CIT: variants seen among roughly 807,000 people sequenced by gnomAD.
CIT encodes the protein citron Rho-interacting kinase.
CIT carries 79 observed loss-of-function variants against 272.7 expected under a neutral mutation model. The ratio of observed to expected loss-of-function variants is 0.29; its 90% confidence interval spans 0.24 to 0.35. The LOEUF (loss-of-function observed/expected upper bound fraction) is 0.35, where lower values mean the gene tolerates loss of function less well. Among genes scored for constraint, CIT ranks in the 10% least tolerant of loss-of-function variants. The pLI is 1.00. For missense variants in CIT, 1,909 were observed against 2,618.3 expected (o/e 0.73, Z 5.91); for synonymous variants, 948 against 995.6 (o/e 0.95, Z 0.90).
intron 8 of CIT, 148 bp from the exon 9 acceptor site, chr12:119,823,121 A>G (rs1343521623): frequency 3.9e-6 from 3 of 772,586 alleles, no homozygotes; most frequent in Non-Finnish European, 6.0e-6. Context: ...CCTTTGGACC[A>G]AAGGCGTGTT....
Position 119,825,340 on chromosome 12 carries a change from G to C in CIT, c.782C>G (p.Pro261Arg). Residue 261 changes from proline (P) to arginine (R), a missense_variant, in exon 8 of 48, where the codon CCA becomes CGA. Pro to Arg is a moderately radical substitution (Grantham distance 103). Coordinates refer to ENST00000392521, the MANE Select transcript of CIT (RefSeq NM_001206999.2). ...MVNAKLPIGT[P>R]DYMAPEVLTV... ...CAGCACTTCAGGAGCCATGTAATCT[G>C]GGGTCCCAATCGGGAGTTTGGCATT... is the stretch of plus-strand genomic sequence containing the variant. 6.2e-7 allele frequency: 1 copy of C among 1,613,994 alleles called. No homozygotes were observed. The highest frequency in any genetic ancestry group is 1.1e-5 in the South Asian group (1 of 91,058).
Position 119,728,361 on chromosome 12 carries a change from G to A in CIT, c.3591+141C>T. On this transcript the variant is annotated intron_variant, in intron 28 of 47. Transcript: ENST00000392521. This position sits in a 1 kb window ranked among gnomAD's most constrained non-coding sequence, Gnocchi z 4.3. ...GTTGATAGCTGGGGACACTGTGGGA[G>A]GAGGAGACAGGGAGTATGTGGGAAC... The A allele has an allele frequency of 1.5e-6, 1 of 652,354 alleles. No individual in the cohort carries two copies. The highest frequency in any genetic ancestry group is 1.8e-5 in the South Asian group (1 of 55,204). The allele number at this position is 652,354 out of a possible 1,614,324, so 40.4% of individuals were successfully genotyped here.
chr12:119,821,912 C>T (rs1363876302), intron 9 of CIT, among the ~76,000 whole-genome samples: 1 of 151,396 alleles, frequency 6.6e-6, no homozygotes, highest in Non-Finnish European at 1.5e-5. Flanking sequence ...TTAGAGAAAC[C>T]ATCAAAATGG....
chr12:119,815,650 G>A (rs1224957511), intron 9 of CIT, among the ~76,000 whole-genome samples: 5 of 151,728 alleles, frequency 3.3e-5, no homozygotes, highest in Admixed American at 6.6e-5. Context: ...AGGTTGCAAC[G>A]AGCCGAGATC....
At chr12:119,699,192 G>A (rs1473003151) in intron 44 of CIT, among the ~76,000 whole-genome samples, 2 of 147,652 alleles carry the variant, frequency 1.4e-5, no homozygotes, top group Non-Finnish European at 3.0e-5. Context: ...GGAGGTAGAG[G>A]TTGCAGTGAG....
chr12:119,829,745 C>T (rs1163861642), intron 7 of CIT, among the ~76,000 whole-genome samples: 2 of 152,158 alleles, frequency 1.3e-5, no homozygotes, highest in Non-Finnish European at 2.9e-5. Context: ...AGTCACACAG[C>T]AGGTCCTAGA....
rs565325120 is a variant in CIT at position 119,756,023 on chromosome 12, C to T, written c.2706+1348G>A. Among the ~76,000 whole-genome samples, 103 of 152,282 alleles carry T rather than the reference C, an allele frequency of 6.8e-4. No homozygotes were observed. In the Middle Eastern group the frequency reaches 0.014, roughly 20 times the overall value. ...GCTCTGCTCCCATTTGACAGATGCACAAATTGACACGCTCCCCACAGGACC... is the reference window on the plus strand; with the variant it reads ...GCTCTGCTCCCATTTGACAGATGCATAAATTGACACGCTCCCCACAGGACC... On this transcript the variant is annotated intron_variant, in intron 22 of 47. Transcript: ENST00000392521.
chr12:119,730,442 A>T lies in CIT; in HGVS notation c.3486+53T>A. ...TTGAATTTTTATCAAGCGTGCCTTT[A>T]AAAGAAGGAAACGAAAATGTTTTCC... On this transcript the variant is annotated intron_variant, in intron 27 of 47. Coordinates refer to ENST00000392521, the MANE Select transcript of CIT (RefSeq NM_001206999.2). 2.6e-6 allele frequency: 4 copies of T among 1,536,320 alleles called. No homozygotes were observed. In the South Asian group the frequency reaches 4.9e-5, roughly 19 times the overall value.
chr12:119,775,970 G>A, intron 15 of CIT, 131 bp from the exon 16 acceptor site: 1 of 685,960 alleles, frequency 1.5e-6, no homozygotes, highest in Non-Finnish European at 2.4e-6. Context: ...CCTATTAAGG[G>A]AGAGGAAGAA....
intron 19 of CIT, among the ~76,000 whole-genome samples, chr12:119,764,474 G>T (rs1232496442): frequency 2.6e-5 from 4 of 151,950 alleles, no homozygotes; most frequent in Non-Finnish European, 5.9e-5. Context: ...AAATTACCCA[G>T]GCGTGGTGGC....
intron 30 of CIT, 166 bp from the exon 31 acceptor site, chr12:119,719,027 C>T (rs1321085870): frequency 1.5e-6 from 1 of 667,140 alleles, no homozygotes; most frequent in Non-Finnish European, 2.5e-6. Flanking sequence ...TAGGCTGAGC[C>T]ACAGCCCGTT....
chr12:119,748,127 T>C (rs1227011321), intron 23 of CIT, among the ~76,000 whole-genome samples: 2 of 152,194 alleles, frequency 1.3e-5, no homozygotes, highest in Admixed American at 1.3e-4. Context: ...ATTGCACCAC[T>C]GCACTCCAGC....
At chr12:119,805,179 G>C (rs545350073) in intron 9 of CIT, among the ~76,000 whole-genome samples, 11 of 152,256 alleles carry the variant, frequency 7.2e-5, no homozygotes, top group Admixed American at 5.2e-4. Context: ...GAAATTTATG[G>C]AGAGAGATTT....
chr12:119,754,769 G>A lies in CIT; in HGVS notation c.2707-2522C>T, dbSNP rs193061524. Among the ~76,000 whole-genome samples the A allele has an allele frequency of 5.4e-4, 83 of 152,296 alleles. 1 individual carries two copies. Among genetic ancestry groups the A allele is most frequent in the African/African-American group, 1.8e-3 (76 of 41,544 alleles). On this transcript the variant is annotated intron_variant, in intron 22 of 47. Coordinates refer to ENST00000392521, the MANE Select transcript of CIT (RefSeq NM_001206999.2). ...GGAGAATATAGAGCCTGAACCTCTC[G>A]TGAAACGTTTGAAGTTTCTCTTACC...
intron 7 of CIT, among the ~76,000 whole-genome samples, chr12:119,825,852 G>C (rs7295984): frequency 0.12 from 17,618 of 152,236 alleles, 2,098 homozygotes; most frequent in African/African-American, 0.3. Flanking sequence ...TGGATCATTT[G>C]AGGCCAGGAG....
At chr12:119,854,719 G>C (rs1018079957) in intron 4 of CIT, among the ~76,000 whole-genome samples, 11 of 150,800 alleles carry the variant, frequency 7.3e-5, no homozygotes, top group African/African-American at 2.7e-4. Flanking sequence ...GGGAGGCCGA[G>C]GCAGGCAGAT....
At chr12:119,772,938 G>C (rs1434322253) in intron 16 of CIT, 28 bp from the exon 17 acceptor site, 2 of 1,598,672 alleles carry the variant, frequency 1.3e-6, no homozygotes, top group Admixed American at 1.8e-5. Flanking sequence ...AAAGGAGATA[G>C]GTGGGCAAAT....
chr12:119,720,596 A>G lies in CIT; in HGVS notation c.3733-11T>C. The G allele has an allele frequency of 6.4e-7, 1 of 1,564,608 alleles. No homozygotes were observed. The highest frequency in any genetic ancestry group is 8.7e-7 in the Non-Finnish European group (1 of 1,151,244). ...ATGAGAATAGAGAACCTAAAATTCA[A>G]GAAAACAAACTAACCTCAAATCCAG... On this transcript the variant is annotated splice_polypyrimidine_tract_variant and intron_variant, in intron 29 of 47. Coordinates refer to ENST00000392521, the MANE Select transcript of CIT (RefSeq NM_001206999.2).
At chr12:119,868,630 C>T (rs1045933053) in intron 3 of CIT, among the ~76,000 whole-genome samples, 5 of 152,186 alleles carry the variant, frequency 3.3e-5, no homozygotes, top group African/African-American at 1.2e-4. Flanking sequence ...CTCAACCTCC[C>T]GGGCTCCAGT....
Sources: allele counts gnomAD v4.1 joint callset (sites outside exome capture counted in the v4.1 genomes callset), GRCh38; gene constraint gnomAD v4.1.1; non-coding constraint Gnocchi (gnomAD v3.1); transcripts MANE v1.5; gene names NCBI Gene and HGNC (gene_info 2026-07-23, HGNC 2026-07-21).